The following ZNF532 variants were observed in gnomAD, a reference collection of about 807,000 sequenced individuals.
The protein encoded by ZNF532 is zinc finger protein 532.
Under a neutral mutation model 89.3 loss-of-function variants are expected in ZNF532, and 22 were observed. The ratio of observed to expected loss-of-function variants is 0.25; its 90% CI spans 0.18 to 0.35. The LOEUF is 0.35. Among genes scored for constraint, ZNF532 ranks in the 10% least tolerant of loss-of-function variants. ZNF532 has a pLI of 1.00. For synonymous variants in ZNF532, 606 were observed against 649.6 expected (o/e 0.93, Z 1.02); for missense variants, 1,132 against 1,643.4 (o/e 0.69, Z 5.38).
intron 6 of ZNF532, among the ~76,000 whole-genome samples, chr18:58,951,646 G>GTTTTTTT (rs3039758): frequency 8.3e-5 from 6 of 72,594 alleles, no homozygotes; most frequent in Admixed American, 1.9e-4. Flanking sequence ...TCGCCCTGTT[G>GTTTTTTT]TTTTTTTTTT....
chr18:58,948,679 T>G (rs1406631022), intron 6 of ZNF532, among the ~76,000 whole-genome samples: 2 of 151,386 alleles, frequency 1.3e-5, no homozygotes, highest in Non-Finnish European at 2.9e-5. Flanking sequence ...GTGATTCTCC[T>G]GCCTCAGCCT....
chr18:58,930,095 C>G (rs2061824693), intron 3 of ZNF532, among the ~76,000 whole-genome samples: 2 of 152,168 alleles, frequency 1.3e-5, no homozygotes, highest in African/African-American at 2.4e-5. Context: ...ATACGTTTCT[C>G]TAGCCTCTCT....
chr18:58,870,470 G>T (rs1309941271), intron 2 of ZNF532, among the ~76,000 whole-genome samples: 1 of 152,194 alleles, frequency 6.6e-6, no homozygotes, highest in Non-Finnish European at 1.5e-5. Flanking sequence ...GGTGTTTCGA[G>T]TGGGGTGTGG....
chr18:58,894,500 C>T (rs1046325554), intron 2 of ZNF532, among the ~76,000 whole-genome samples: 2 of 151,424 alleles, frequency 1.3e-5, no homozygotes, highest in African/African-American at 4.9e-5. Context: ...ATAGACTTTC[C>T]TTGGTCTAGG....
At position 58,918,948 on chromosome 18, in the gene ZNF532, A is replaced by G; in HGVS notation, c.661A>G (p.Arg221Gly). 1.9e-6 allele frequency: 3 copies of G among 1,613,888 alleles called. No homozygotes were observed. Among genetic ancestry groups the G allele is most frequent in the Non-Finnish European group, 2.5e-6 (3 of 1,180,034 alleles). Reference protein sequence around the residue: ...NLSVYEPFKVRKAEDKLKESS... With the variant: ...NLSVYEPFKVGKAEDKLKESS... ...GAGTGTTTATGAACCTTTTAAAGTC[A>G]GAAAAGCAGAGGATAAATTGAAGGA... Residue 221 changes from arginine to glycine, a missense_variant, in exon 3 of 10, where the codon AGA becomes GGA. Physicochemically the swap from Arg to Gly is moderately radical, Grantham distance 125. Around this residue, in one of 9 missense-constraint regions of ZNF532, gnomAD observed 302 missense variants for 319.8 expected, o/e 0.94. Coordinates refer to ENST00000591808, the MANE Select transcript of ZNF532 (RefSeq NM_001375912.1).
chr18:58,962,432 C>G (rs1234202733), intron 7 of ZNF532, among the ~76,000 whole-genome samples: 1 of 152,062 alleles, frequency 6.6e-6, no homozygotes, highest in Non-Finnish European at 1.5e-5. Context: ...ATTTGTGGAT[C>G]GAAACAGAAC....
intron 7 of ZNF532, among the ~76,000 whole-genome samples, chr18:58,962,803 A>C (rs181638955): frequency 2.7e-3 from 418 of 152,050 alleles, no homozygotes; most frequent in African/African-American, 9.7e-3. Flanking sequence ...GGGTTTCACC[A>C]TGTTAGCCAG....
At chr18:58,975,924 A>G (rs373199389) in intron 7 of ZNF532, among the ~76,000 whole-genome samples, 2 of 152,246 alleles carry the variant, frequency 1.3e-5, no homozygotes, top group African/African-American at 4.8e-5. Context: ...GCCAGGAGGA[A>G]GCAAACGGCC....
In ZNF532 at chr18:58,918,439, C is replaced by A; in HGVS notation, c.152C>A (p.Ser51Tyr). ...MKQNAHGEDD[S>Y]HAPSSSDVGV... ...CAGAATGCTCACGGAGAGGATGACT[C>A]CCACGCACCATCATCTTCTGATGTG... is the stretch of plus-strand genomic sequence containing the variant. The change falls in exon 3 of 10, where the codon TCC becomes TAC. Residue 51 changes from serine to tyrosine, a missense_variant. Coordinates refer to ENST00000591808, the MANE Select transcript of ZNF532 (RefSeq NM_001375912.1). 6.2e-7 allele frequency: 1 copy of A among 1,614,196 alleles called. No individual in the cohort carries two copies. Among genetic ancestry groups the A allele is most frequent in the Non-Finnish European group, 8.5e-7 (1 of 1,180,044 alleles).
chr18:58,963,821 CAAAA>C (rs58734985), intron 7 of ZNF532, among the ~76,000 whole-genome samples: 8 of 82,746 alleles, frequency 9.7e-5, no homozygotes, highest in East Asian at 2.7e-4. Flanking sequence ...GACCCTGTCT[CAAAA>C]AAAAAAAAAA....
At chr18:58,926,590 C>T (rs1206672210) in intron 3 of ZNF532, among the ~76,000 whole-genome samples, 5 of 152,156 alleles carry the variant, frequency 3.3e-5, no homozygotes, top group African/African-American at 7.2e-5. Context: ...TCAGGTGATC[C>T]GCCTGCCTCA....
chr18:58,863,378 G>A, upstream of ZNF532: 1 of 147,132 alleles, frequency 6.8e-6, no homozygotes, highest in African/African-American at 2.5e-5. Context: ...CGCAGCGGCC[G>A]GGCGTCGGCG....
At chr18:58,968,006 T>TA (rs1298094459) in intron 7 of ZNF532, among the ~76,000 whole-genome samples, 1 of 152,236 alleles carries the variant, frequency 6.6e-6, no homozygotes, top group Non-Finnish European at 1.5e-5. Context: ...GTCAGTACCC[T>TA]ACAAGGCATG....
chr18:58,910,148 A>G (rs1021578395), intron 2 of ZNF532, among the ~76,000 whole-genome samples: 1 of 152,224 alleles, frequency 6.6e-6, no homozygotes, highest in African/African-American at 2.4e-5. Context: ...ACTTTACTTA[A>G]AGGTCACATC....
chr18:58,913,992 T>G (rs1197982135), intron 2 of ZNF532, among the ~76,000 whole-genome samples: 1 of 152,256 alleles, frequency 6.6e-6, no homozygotes, highest in Non-Finnish European at 1.5e-5. Flanking sequence ...CCTTTAATAC[T>G]GACATTCTCT....
chr18:58,976,260 T>G lies in ZNF532; in HGVS notation c.3151-2795T>G, dbSNP rs77930774. 6.6e-3 allele frequency among the ~76,000 whole-genome samples: 1,012 copies of G among 152,354 alleles called. 8 individuals are homozygous for G. Among genetic ancestry groups the G allele is most frequent in the African/African-American group, 0.024 (980 of 41,570 alleles). On this transcript the variant is annotated intron_variant, in intron 7 of 9. Transcript: ENST00000591808. ...ATAAAGATGCTGAAACAGAAGGATGTCTCTCTCACATTGATTGATCTTTTG... is the reference window on the plus strand; with the variant it reads ...ATAAAGATGCTGAAACAGAAGGATGGCTCTCTCACATTGATTGATCTTTTG...
In ZNF532 at chr18:58,918,281, C is replaced by T; in HGVS notation, c.-7C>T. On this transcript the variant is annotated 5_prime_UTR_variant, in exon 3 of 10. Coordinates refer to ENST00000591808, the MANE Select transcript of ZNF532 (RefSeq NM_001375912.1). ...CTGCTCATTTAACAGAACATCTGCT[C>T]AAATTAATGACCATGGGGGATATGA... 1 of 1,608,052 alleles carries T rather than the reference C, an allele frequency of 6.2e-7. No individual in the cohort carries two copies. The highest frequency in any genetic ancestry group is 8.5e-7 in the Non-Finnish European group (1 of 1,176,304).
At chr18:58,973,851 A>G (rs1229115076) in intron 7 of ZNF532, among the ~76,000 whole-genome samples, 1 of 152,210 alleles carries the variant, frequency 6.6e-6, no homozygotes, top group Non-Finnish European at 1.5e-5. Context: ...GAGGAATTAT[A>G]TGTGTATTAT....
chr18:58,921,384 A>G (rs1044729500), intron 3 of ZNF532, among the ~76,000 whole-genome samples: 1 of 152,226 alleles, frequency 6.6e-6, no homozygotes. Flanking sequence ...TGGCAGCTCT[A>G]CTGAGCTTAC....
Sources: allele counts gnomAD v4.1 joint callset (sites outside exome capture counted in the v4.1 genomes callset), GRCh38; gene constraint gnomAD v4.1.1; regional missense constraint gnomAD v4.1.1; transcripts MANE v1.5; gene names NCBI Gene and HGNC (gene_info 2026-07-23, HGNC 2026-07-21).